The following SLC2A13 variants were observed in gnomAD, a reference collection of about 807,000 sequenced individuals.
The protein encoded by SLC2A13 is solute carrier family 2 member 13, also known as proton myo-inositol cotransporter.
Under a neutral mutation model 64.4 loss-of-function variants are expected in SLC2A13, and 32 were observed. The observed-to-expected ratio is 0.50, with a 90% CI of 0.37 to 0.67. The LOEUF is 0.67. Among genes scored for constraint, SLC2A13 ranks in the 30% least tolerant of loss-of-function variants. The probability of loss-of-function intolerance (pLI) is 0.00; values close to 1 mark genes in which losing one functional copy is unlikely to be tolerated. For missense variants in SLC2A13, 743 were observed against 829.2 expected (o/e 0.90, Z 1.28); for synonymous variants, 338 against 327.1 (o/e 1.03, Z -0.36).
At chr12:39,797,388 C>T (rs770350701) in intron 7 of SLC2A13, among the ~76,000 whole-genome samples, 39 of 152,136 alleles carry the variant, frequency 2.6e-4, no homozygotes, top group Non-Finnish European at 5.0e-4. Flanking sequence ...TTTCCTATTT[C>T]AGCACAGTAT....
intron 1 of SLC2A13, among the ~76,000 whole-genome samples, chr12:40,100,354 A>G (rs1939102158): frequency 6.6e-6 from 1 of 152,226 alleles, no homozygotes; most frequent in African/African-American, 2.4e-5. Flanking sequence ...CACAGGCCCT[A>G]AATCACCACT....
intron 6 of SLC2A13, among the ~76,000 whole-genome samples, chr12:39,845,011 A>G (rs1326064793): frequency 1.3e-5 from 2 of 152,054 alleles, no homozygotes; most frequent in Non-Finnish European, 2.9e-5. Flanking sequence ...TGACCACTTG[A>G]TAAAGTTAAA....
At chr12:40,086,586 T>C (rs532817027) in intron 1 of SLC2A13, among the ~76,000 whole-genome samples, 2 of 152,302 alleles carry the variant, frequency 1.3e-5, no homozygotes, top group East Asian at 1.9e-4. Context: ...ACCACATGCT[T>C]TTTCTTATTA....
chr12:39,868,526 G>A (rs1943963606), intron 5 of SLC2A13, among the ~76,000 whole-genome samples: 1 of 152,154 alleles, frequency 6.6e-6, no homozygotes, highest in Non-Finnish European at 1.5e-5. Flanking sequence ...AGAAATTCTA[G>A]TTTAGTAGAT....
At chr12:40,009,131 T>C (rs2136192114) in intron 3 of SLC2A13, among the ~76,000 whole-genome samples, 1 of 152,300 alleles carries the variant, frequency 6.6e-6, no homozygotes, top group South Asian at 2.1e-4. Flanking sequence ...TCTGGAAGAA[T>C]ATTCCCCAAA....
intron 3 of SLC2A13, among the ~76,000 whole-genome samples, chr12:40,024,373 T>A (rs998916777): frequency 6.6e-6 from 1 of 152,238 alleles, no homozygotes; most frequent in Admixed American, 6.5e-5. Flanking sequence ...GTAGCTATGA[T>A]CAAAACTTGC....
intron 3 of SLC2A13, among the ~76,000 whole-genome samples, chr12:40,008,504 G>C (rs1006659170): frequency 1.3e-5 from 2 of 152,002 alleles, no homozygotes; most frequent in Admixed American, 1.3e-4. Context: ...CCAGCTACTC[G>C]AGAGGCTGAG....
At chr12:40,069,057 C>G (rs1338988733) in intron 1 of SLC2A13, among the ~76,000 whole-genome samples, 1 of 151,562 alleles carries the variant, frequency 6.6e-6, no homozygotes. Flanking sequence ...CTCATTTGTG[C>G]TTAGCTAATG....
intron 1 of SLC2A13, among the ~76,000 whole-genome samples, chr12:40,099,787 C>A (rs938120398): frequency 2.0e-5 from 3 of 151,886 alleles, no homozygotes; most frequent in Non-Finnish European, 2.9e-5. Context: ...CAAGGAAATA[C>A]AAGAAGTCAA....
intron 3 of SLC2A13, among the ~76,000 whole-genome samples, chr12:39,988,697 GGAAGGAAGGAAGGA>G (rs1947077906): frequency 2.1e-5 from 1 of 46,824 alleles, no homozygotes; most frequent in Admixed American, 1.7e-4. Context: ...GAGGGAGGAA[GGAAGGAAGGAAGGA>G]AGGAAGGAAG....
At chr12:39,893,337 T>C (rs1341925377) in intron 4 of SLC2A13, among the ~76,000 whole-genome samples, 1 of 152,228 alleles carries the variant, frequency 6.6e-6, no homozygotes, top group Non-Finnish European at 1.5e-5. Flanking sequence ...TCTCACTCTG[T>C]CGCCCAGGCT....
intron 3 of SLC2A13, among the ~76,000 whole-genome samples, chr12:39,952,845 TA>T (rs1474415344): frequency 1.3e-5 from 2 of 152,164 alleles, no homozygotes; most frequent in Non-Finnish European, 2.9e-5. Context: ...TGCTGAAATA[TA>T]TCTGGATCAG....
intron 3 of SLC2A13, among the ~76,000 whole-genome samples, chr12:39,993,500 A>G (rs916723029): frequency 6.6e-6 from 1 of 152,248 alleles, no homozygotes; most frequent in Non-Finnish European, 1.5e-5. Flanking sequence ...GGAAACGTGA[A>G]AGACAGGGAT....
chr12:39,763,096 C>T (rs143143835), intron 9 of SLC2A13, among the ~76,000 whole-genome samples: 12 of 151,878 alleles, frequency 7.9e-5, no homozygotes, highest in East Asian at 3.9e-4. Flanking sequence ...TCAGTAAATA[C>T]GAGGAAATAT....
intron 7 of SLC2A13, among the ~76,000 whole-genome samples, chr12:39,801,643 G>A (rs900448101): frequency 6.6e-6 from 1 of 152,184 alleles, no homozygotes; most frequent in African/African-American, 2.4e-5. Context: ...TTAGAAGTCA[G>A]CAGACTTATT....
intron 3 of SLC2A13, among the ~76,000 whole-genome samples, chr12:39,962,133 C>G (rs1946424663): frequency 6.6e-6 from 1 of 152,136 alleles, no homozygotes; most frequent in Admixed American, 6.5e-5. Flanking sequence ...TATGGATTAC[C>G]CAGGCTGGAG....
chr12:39,804,248 A>C (rs1223464727), intron 7 of SLC2A13, among the ~76,000 whole-genome samples: 1 of 152,174 alleles, frequency 6.6e-6, no homozygotes, highest in Non-Finnish European at 1.5e-5. Flanking sequence ...AAGTAGTAAA[A>C]ATACAACAAA....
rs573484182 is a variant in SLC2A13, at chr12:39,849,968, T to C, written c.1319+14794A>G. On this transcript the variant is annotated intron_variant, in intron 6 of 9. Coordinates refer to ENST00000280871, the MANE Select transcript of SLC2A13 (RefSeq NM_052885.4). ...TGTATATAATTTTACTTTAATCCTA[T>C]GGTTTAAAATCTATGGATTCTGTGT... is the stretch of plus-strand genomic sequence containing the variant. Among the ~76,000 whole-genome samples, 3 of 152,302 alleles carry C rather than the reference T, an allele frequency of 2.0e-5. No homozygotes were observed. In the South Asian group the frequency reaches 6.2e-4, roughly 32 times the overall value.
chr12:39,760,509 C>A (rs1940095694), intron 9 of SLC2A13, among the ~76,000 whole-genome samples: 1 of 151,924 alleles, frequency 6.6e-6, no homozygotes, highest in Admixed American at 6.6e-5. Context: ...GGCTTTGAAG[C>A]CTTTCCTCCC....
Sources: allele counts gnomAD v4.1 joint callset (sites outside exome capture counted in the v4.1 genomes callset), GRCh38; gene constraint gnomAD v4.1.1; transcripts MANE v1.5; gene names NCBI Gene and HGNC (gene_info 2026-07-23, HGNC 2026-07-21).